The following TULP4 variants were observed in gnomAD, a reference collection of about 807,000 sequenced individuals.
The protein encoded by TULP4 is TUB like protein 4.
TULP4 carries 16 observed loss-of-function variants against 129.0 expected under a neutral mutation model. That is an observed-to-expected ratio of 0.12 (90% CI 0.08 to 0.19). The LOEUF is 0.19. Among genes scored for constraint, TULP4 ranks in the 10% least tolerant of loss-of-function variants. The pLI is 1.00. For synonymous variants in TULP4, 998 were observed against 854.0 expected, an observed-to-expected ratio of 1.17 and a Z score of -2.94; for missense variants, 1,842 against 2,059.1, an observed-to-expected ratio of 0.89 and a Z score of 2.04.
chr6:158,332,182 AAAAAAAAAAAAAAAAAAAAT>A lies in TULP4; in HGVS notation c.252+17916_252+17935del, dbSNP rs1415510122. 4.3e-4 allele frequency among the ~76,000 whole-genome samples: 37 copies of A among 85,880 alleles called. No individual in the cohort carries two copies. The East Asian group carries it at 5.8e-3, about 13-fold the overall frequency. 56.3% of individuals were successfully genotyped at this position (85,880 alleles called of 152,430 possible). On this transcript the variant is annotated intron_variant, in intron 1 of 13. Transcript: ENST00000367097. ...GTAAGACTCTGTCAAAAAAAAAAAA[AAAAAAAAAAAAAAAAAAAAT>A]ATATATATATATATATATATATATA...
chr6:158,425,760 C>A (rs1054732959), intron 2 of TULP4, among the ~76,000 whole-genome samples: 2 of 151,956 alleles, frequency 1.3e-5, no homozygotes, highest in African/African-American at 2.4e-5. Flanking sequence ...CCTGACACAA[C>A]CCCAGGCTAG....
At chr6:158,486,404 T>A (rs1471218564) in intron 8 of TULP4, among the ~76,000 whole-genome samples, 1 of 152,004 alleles carries the variant, frequency 6.6e-6, no homozygotes. Context: ...ATATAAAAAA[T>A]TAGCCGGGCG....
chr6:158,284,149 A>G (rs1254738778), intron 1 of TULP4, among the ~76,000 whole-genome samples: 4 of 152,224 alleles, frequency 2.6e-5, no homozygotes, highest in African/African-American at 9.6e-5. Context: ...TGGGAGACAG[A>G]AGGTCTAAAA....
rs74549868 is a variant in TULP4, at chr6:158,402,304, A to G, written c.253-10761A>G. Among the ~76,000 whole-genome samples, 464 of 150,902 alleles carry G rather than the reference A, an allele frequency of 3.1e-3. 3 individuals are homozygous for G. The highest frequency in any genetic ancestry group is 0.011 in the African/African-American group (437 of 41,012). ...TTTGTCATATTCCCAGTGTGGCAAC[A>G]CTGGACTGCAACTTTCAGTATCTCC... On this transcript the variant is annotated intron_variant, in intron 1 of 13. Coordinates refer to ENST00000367097, the MANE Select transcript of TULP4 (RefSeq NM_020245.5).
intron 1 of TULP4, among the ~76,000 whole-genome samples, chr6:158,290,092 A>C (rs181676848): frequency 6.6e-6 from 1 of 151,090 alleles, no homozygotes; most frequent in Admixed American, 6.6e-5. Context: ...GCATGCCACC[A>C]TGCTGGCTAA....
chr6:158,439,860 C>T (rs1218902279), intron 3 of TULP4, among the ~76,000 whole-genome samples: 2 of 151,012 alleles, frequency 1.3e-5, no homozygotes, highest in African/African-American at 2.4e-5. Flanking sequence ...TACAGGCGCC[C>T]GCCACCATGC....
At chr6:158,329,258 A>C (rs1390943252) in intron 1 of TULP4, among the ~76,000 whole-genome samples, 2 of 152,134 alleles carry the variant, frequency 1.3e-5, no homozygotes, top group Admixed American at 6.5e-5. Context: ...GGTCTACTAA[A>C]ATACAGAGGA....
intron 1 of TULP4, among the ~76,000 whole-genome samples, chr6:158,249,894 A>T (rs1427087584): frequency 2.0e-5 from 3 of 152,246 alleles, no homozygotes; most frequent in African/African-American, 4.8e-5. Context: ...AATGATAGTG[A>T]GAATTGTATT....
chr6:158,336,313 T>C (rs1361283254), intron 1 of TULP4, among the ~76,000 whole-genome samples: 1 of 152,248 alleles, frequency 6.6e-6, no homozygotes, highest in Non-Finnish European at 1.5e-5. Context: ...CTATGTATAT[T>C]GGAGACAGTA....
Position 158,494,843 on chromosome 6 carries a change from G to A in TULP4, c.1867G>A (p.Ala623Thr), listed in dbSNP as rs1451640662. 3 of 1,613,934 alleles carry A rather than the reference G, an allele frequency of 1.9e-6. No individual in the cohort carries two copies. Among genetic ancestry groups the A allele is most frequent in the South Asian group, 1.1e-5 (1 of 91,048 alleles). Residue 623 changes from alanine (A) to threonine (T), a missense_variant, in exon 11 of 14, where the codon GCA (alanine) becomes ACA (threonine). This residue lies in a region of TULP4 where 99 missense variants were observed against 165.1 expected (regional missense o/e 0.60). Coordinates refer to ENST00000367097, the MANE Select transcript of TULP4 (RefSeq NM_020245.5). The part of the protein sequence containing the change: ...LAAFLPTNLG[A>T]VIYKTSLLHL... ...TGCTTTCCTGCCAACCAACCTCGGTGCAGGTAAAAATCATGTCCTCTTCTC... is the reference window on the plus strand; with the variant it reads ...TGCTTTCCTGCCAACCAACCTCGGTACAGGTAAAAATCATGTCCTCTTCTC...
intron 13 of TULP4, among the ~76,000 whole-genome samples, chr6:158,504,899 C>T (rs1343793464): frequency 6.6e-6 from 1 of 152,086 alleles, no homozygotes; most frequent in Admixed American, 6.5e-5. Flanking sequence ...TTTTGCTCAC[C>T]CTATGCACAC....
intron 1 of TULP4, among the ~76,000 whole-genome samples, chr6:158,240,967 G>A (rs1289022727): frequency 7.0e-6 from 1 of 142,418 alleles, no homozygotes; most frequent in Admixed American, 7.2e-5. Context: ...GCTGCCGGGC[G>A]GAGGGGCTCC....
At chr6:158,341,279 T>A (rs188690401) in intron 1 of TULP4, among the ~76,000 whole-genome samples, 27 of 152,338 alleles carry the variant, frequency 1.8e-4, no homozygotes, top group Non-Finnish European at 3.2e-4. Flanking sequence ...CACTTTTTTT[T>A]ATGGCTGAAT....
intron 1 of TULP4, among the ~76,000 whole-genome samples, chr6:158,364,121 A>G (rs1331878307): frequency 1.3e-5 from 2 of 152,196 alleles, no homozygotes; most frequent in African/African-American, 4.8e-5. Context: ...CCTTATTCTA[A>G]TCACACTTCA....
rs1778405788 is a variant in TULP4, at chr6:158,423,633, T to TTG, written c.382-6102_382-6101insGT. On this transcript the variant is annotated intron_variant, in intron 2 of 13. Coordinates refer to ENST00000367097, the MANE Select transcript of TULP4 (RefSeq NM_020245.5). ...TGTTTGTTGTTATTTGTTTTTGTTTTTTGTTGTTGTTGTTGTTGTTGTTTT... is the reference window on the plus strand; with the variant it reads ...TGTTTGTTGTTATTTGTTTTTGTTTTTGTTGTTGTTGTTGTTGTTGTTGTTTT... 2.5e-4 allele frequency among the ~76,000 whole-genome samples: 37 copies of TTG among 150,780 alleles called. No individual in the cohort carries two copies. In the South Asian group the frequency reaches 3.8e-3, roughly 15 times the overall value.
At chr6:158,452,360 C>G in intron 5 of TULP4, 92 bp downstream of exon 5, 2 of 1,510,534 alleles carry the variant, frequency 1.3e-6, no homozygotes, top group South Asian at 2.6e-5. Flanking sequence ...CTTACTGATT[C>G]CTGTCCTCTG....
chr6:158,509,045 G>T lies in TULP4; in HGVS notation c.*2351G>T, dbSNP rs555251142. 1 of 151,586 alleles carries T rather than the reference G, an allele frequency of 6.6e-6. No homozygotes were observed. The highest frequency in any genetic ancestry group is 2.4e-5 in the African/African-American group (1 of 41,238). The allele number at this position is 151,586 out of a possible 1,614,324, so 9.4% of individuals were successfully genotyped here. On this transcript the variant is annotated 3_prime_UTR_variant, in exon 14 of 14. Transcript: ENST00000367097. ...TGGGATTATAGACACCCGCCAACAC[G>T]CCAGGCTAATGTTTTTGTATTTTTA...
intron 1 of TULP4, among the ~76,000 whole-genome samples, chr6:158,273,866 A>G (rs1778592878): frequency 1.3e-5 from 2 of 152,240 alleles, no homozygotes; most frequent in Admixed American, 1.3e-4. Context: ...AATTCTTATC[A>G]TAGATTCATG....
chr6:158,328,243 C>G (rs1198201211), intron 1 of TULP4, among the ~76,000 whole-genome samples: 2 of 151,730 alleles, frequency 1.3e-5, no homozygotes, highest in South Asian at 4.2e-4. Context: ...ATCCTAAGTG[C>G]TATAGCTCAC....
Sources: allele counts gnomAD v4.1 joint callset (sites outside exome capture counted in the v4.1 genomes callset), GRCh38; gene constraint gnomAD v4.1.1; regional missense constraint gnomAD v4.1.1; transcripts MANE v1.5; gene names NCBI Gene and HGNC (gene_info 2026-07-23, HGNC 2026-07-21).